NEGR1: variants seen among roughly 807,000 people sequenced by gnomAD.
NEGR1 encodes IgLON family member 4.
Under a neutral mutation model 40.9 loss-of-function variants are expected in NEGR1, and 10 were observed. The ratio of observed to expected loss-of-function variants is 0.24; its 90% CI spans 0.15 to 0.42. The LOEUF is 0.42. Among genes scored for constraint, NEGR1 ranks in the 10% least tolerant of loss-of-function variants. The pLI, the probability that NEGR1 is intolerant of heterozygous loss-of-function variation, is 1.00. For missense variants in NEGR1, 352 were observed against 438.9 expected (o/e 0.80, Z 1.77); for synonymous variants, 185 against 166.8 (o/e 1.11, Z -0.84).
In NEGR1 at chr1:72,247,046, C is replaced by T. The variant is rs535099727; in HGVS notation, c.176+35273G>A. Among the ~76,000 whole-genome samples, 8 of 152,316 alleles carry T rather than the reference C, an allele frequency of 5.3e-5. No individual in the cohort carries two copies. The South Asian group carries it at 1.5e-3, about 28-fold the overall frequency. On this transcript the variant is annotated intron_variant, in intron 1 of 6. Transcript: ENST00000357731. Reference sequence around the variant, plus strand: ...ATGGGAATAGCCAGGATGTAGGGAGCAGTGTCTCAAGGCTGCATAGGGCAG... The same window carrying T: ...ATGGGAATAGCCAGGATGTAGGGAGTAGTGTCTCAAGGCTGCATAGGGCAG...
chr1:71,793,484 A>T (rs1356396338), intron 2 of NEGR1, among the ~76,000 whole-genome samples: 2 of 151,066 alleles, frequency 1.3e-5, no homozygotes, highest in African/African-American at 4.9e-5. Flanking sequence ...TATTTAAAGA[A>T]CTAATTTTCA....
intron 6 of NEGR1, among the ~76,000 whole-genome samples, chr1:71,499,508 A>T (rs1234883294): frequency 6.7e-6 from 1 of 148,206 alleles, no homozygotes; most frequent in Non-Finnish European, 1.5e-5. Flanking sequence ...TATATGTTAT[A>T]TATATTATTA....
chr1:71,527,516 A>C (rs956168454), intron 6 of NEGR1, among the ~76,000 whole-genome samples: 2 of 151,542 alleles, frequency 1.3e-5, no homozygotes, highest in Non-Finnish European at 3.0e-5. Context: ...GTAAATAAAT[A>C]GATAAATTAC....
chr1:72,088,728 T>C (rs1648324972), intron 1 of NEGR1, among the ~76,000 whole-genome samples: 1 of 152,024 alleles, frequency 6.6e-6, no homozygotes, highest in Non-Finnish European at 1.5e-5. Flanking sequence ...AGATTTTGTT[T>C]GCTTTAAAAA....
intron 4 of NEGR1, among the ~76,000 whole-genome samples, chr1:71,664,274 C>T (rs550603990): frequency 6.6e-6 from 1 of 152,272 alleles, no homozygotes; most frequent in African/African-American, 2.4e-5. Context: ...GGAGCACCAC[C>T]ATGGCAGCTG....
chr1:72,234,308 T>C (rs1286244439), intron 1 of NEGR1, among the ~76,000 whole-genome samples: 2 of 152,092 alleles, frequency 1.3e-5, no homozygotes, highest in Non-Finnish European at 2.9e-5. Flanking sequence ...CTGCAAAGGA[T>C]ATAGTCTTGT....
chr1:72,164,436 C>G (rs1250430306), intron 1 of NEGR1, among the ~76,000 whole-genome samples: 1 of 151,996 alleles, frequency 6.6e-6, no homozygotes. Context: ...GTCACACAAA[C>G]CTCTGAATCA....
At chr1:71,574,027 C>A (rs774862839) in intron 6 of NEGR1, among the ~76,000 whole-genome samples, 10 of 152,136 alleles carry the variant, frequency 6.6e-5, no homozygotes, top group Non-Finnish European at 1.3e-4. Flanking sequence ...GAATGAAAGA[C>A]CCAAGTAGAG....
chr1:71,483,480 G>A (rs757715346), intron 6 of NEGR1, among the ~76,000 whole-genome samples: 7 of 151,744 alleles, frequency 4.6e-5, no homozygotes, highest in African/African-American at 2.4e-5. Flanking sequence ...TACAGGTTAA[G>A]CTACAATGAC....
intron 2 of NEGR1, among the ~76,000 whole-genome samples, chr1:71,828,311 T>C (rs547346248): frequency 6.6e-5 from 10 of 152,074 alleles, no homozygotes; most frequent in African/African-American, 2.4e-4. Context: ...AAATTGTTTT[T>C]ATCCCTGAAT....
At chr1:72,148,580 A>G (rs568740861) in intron 1 of NEGR1, among the ~76,000 whole-genome samples, 68 of 152,168 alleles carry the variant, frequency 4.5e-4, no homozygotes, top group African/African-American at 1.5e-3. Context: ...CTGAAATTTT[A>G]TGCTCTGTTT....
chr1:72,178,592 T>C (rs538729896), intron 1 of NEGR1, among the ~76,000 whole-genome samples: 5 of 152,014 alleles, frequency 3.3e-5, no homozygotes, highest in African/African-American at 1.2e-4. Flanking sequence ...GGAGAATCCC[T>C]AGCTCTAATA....
At chr1:71,701,940 A>T (rs571164881) in intron 3 of NEGR1, among the ~76,000 whole-genome samples, 1 of 152,204 alleles carries the variant, frequency 6.6e-6, no homozygotes, top group South Asian at 2.1e-4. Context: ...TGTAAGTCTG[A>T]GAAGTGTTGT....
chr1:71,682,350 ATTC>A (rs754871495), intron 4 of NEGR1, among the ~76,000 whole-genome samples: 1 of 152,246 alleles, frequency 6.6e-6, no homozygotes, highest in African/African-American at 2.4e-5. Context: ...ATGTCTGATA[ATTC>A]TTCTACAAAA....
rs116341572 is a variant in NEGR1 at position 71,849,744 on chromosome 1, C to G, written c.410-73447G>C. ...ACCCCAACCTTCAGCAACCACCCCC[C>G]ATCAACATGGAGGCAAGATCCTCCA... On this transcript the variant is annotated intron_variant, in intron 2 of 6. Transcript: ENST00000357731. Among the ~76,000 whole-genome samples the G allele has an allele frequency of 3.3e-3, 510 of 152,260 alleles. 2 individuals are homozygous for G. Among genetic ancestry groups the G allele is most frequent in the African/African-American group, 0.012 (493 of 41,558 alleles).
intron 1 of NEGR1, among the ~76,000 whole-genome samples, chr1:72,054,304 A>G (rs1455167194): frequency 6.6e-5 from 10 of 151,296 alleles, no homozygotes. Flanking sequence ...GCATTTTTAC[A>G]TCTATAGCTG....
At chr1:71,769,608 A>G (rs1251507595) in intron 3 of NEGR1, among the ~76,000 whole-genome samples, 2 of 151,974 alleles carry the variant, frequency 1.3e-5, no homozygotes, top group African/African-American at 4.8e-5. Context: ...TTTGCTTGGC[A>G]CTTCTCTTTG....
At chr1:71,705,475 A>G (rs1023674362) in intron 3 of NEGR1, among the ~76,000 whole-genome samples, 2 of 152,232 alleles carry the variant, frequency 1.3e-5, no homozygotes, top group Non-Finnish European at 2.9e-5. Context: ...GGAAGGAAAC[A>G]TTTTTAAACC....
chr1:71,629,692 G>T (rs1255899931), intron 4 of NEGR1, among the ~76,000 whole-genome samples: 1 of 151,988 alleles, frequency 6.6e-6, no homozygotes, highest in Non-Finnish European at 1.5e-5. Flanking sequence ...CAGATGACAT[G>T]ATTGTATGTG....
Sources: allele counts gnomAD v4.1 joint callset (sites outside exome capture counted in the v4.1 genomes callset), GRCh38; gene constraint gnomAD v4.1.1; transcripts MANE v1.5; gene names NCBI Gene and HGNC (gene_info 2026-07-23, HGNC 2026-07-21).